The following DYNC2H1 variants were observed in gnomAD, a reference collection of about 807,000 sequenced individuals.
DYNC2H1 encodes dynein cytoplasmic 2 heavy chain 1.
A neutral mutation model predicts 570.0 loss-of-function variants in DYNC2H1; 410 were observed. The ratio of observed to expected loss-of-function variants is 0.72; its 90% CI spans 0.66 to 0.78. DYNC2H1 has a LOEUF of 0.78. DYNC2H1 is among the 30% of genes least tolerant of loss of function. The pLI, the probability that DYNC2H1 is intolerant of heterozygous loss-of-function variation, is 0.00. For synonymous variants in DYNC2H1, 1,688 were observed against 1,677.6 expected (o/e 1.01, Z -0.15); for missense variants, 4,865 against 5,046.4 (o/e 0.96, Z 1.09).
intron 50 of DYNC2H1, 37 bp downstream of exon 50, chr11:103,200,191 A>T: frequency 7.3e-7 from 1 of 1,377,734 alleles, no homozygotes; most frequent in Non-Finnish European, 9.9e-7. Context: ...AAATAAAAAT[A>T]ATGGCATAAA....
chr11:103,232,074 A>G (rs912375721), intron 60 of DYNC2H1, among the ~76,000 whole-genome samples: 3 of 152,030 alleles, frequency 2.0e-5, no homozygotes, highest in Non-Finnish European at 4.4e-5. Context: ...TTAGAGAAGT[A>G]TAAGAAAAAT....
chr11:103,307,673 C>A, intron 77 of DYNC2H1, 48 bp from the exon 78 acceptor site: 19 of 1,003,700 alleles, frequency 1.9e-5, no homozygotes, highest in South Asian at 1.1e-4. Flanking sequence ...AAAAGAGAAA[C>A]TTTCATATAT....
chr11:103,283,829 A>T (rs973732769), intron 73 of DYNC2H1, among the ~76,000 whole-genome samples: 5 of 152,024 alleles, frequency 3.3e-5, no homozygotes, highest in African/African-American at 1.2e-4. Context: ...ACATTGGTTG[A>T]GTAAAAGAAA....
chr11:103,335,065 C>T (rs1420469344), intron 82 of DYNC2H1, among the ~76,000 whole-genome samples: 2 of 151,930 alleles, frequency 1.3e-5, no homozygotes. Context: ...ATTAAAATAC[C>T]ATCTTTGGAA....
chr11:103,373,248 G>A (rs564160046), intron 83 of DYNC2H1, among the ~76,000 whole-genome samples: 118 of 151,770 alleles, frequency 7.8e-4, no homozygotes, highest in Non-Finnish European at 1.0e-3. Flanking sequence ...TTTTTTAATT[G>A]ATAATTTATC....
chr11:103,327,772 C>G (rs941405014), intron 82 of DYNC2H1, among the ~76,000 whole-genome samples: 1 of 152,130 alleles, frequency 6.6e-6, no homozygotes, highest in Non-Finnish European at 1.5e-5. Context: ...TTGACAAGAG[C>G]CAAGGATGTG....
In DYNC2H1 at chr11:103,382,656, T is replaced by C. The variant is rs920001773; in HGVS notation, c.12157-17007T>C. Among the ~76,000 whole-genome samples, 4 of 151,498 alleles carry C rather than the reference T, an allele frequency of 2.6e-5. No individual in the cohort carries two copies. In the South Asian group the frequency reaches 8.3e-4, roughly 31 times the overall value. On this transcript the variant is annotated intron_variant, in intron 83 of 88. Transcript: ENST00000375735. Reference sequence around the variant, plus strand: ...AGCATTTCTCAGTTGTGCTTAGAGCTTTCTTTTTGCTAACACTTCTGAAAC... The same window carrying C: ...AGCATTTCTCAGTTGTGCTTAGAGCCTTCTTTTTGCTAACACTTCTGAAAC...
chr11:103,471,833 C>T (rs1374715690), intron 88 of DYNC2H1, among the ~76,000 whole-genome samples: 3 of 152,022 alleles, frequency 2.0e-5, no homozygotes, highest in Non-Finnish European at 4.4e-5. Context: ...ATCATTAGTG[C>T]AATTAGAGAG....
At chr11:103,109,979 G>A (rs1858032458) in intron 1 of DYNC2H1, among the ~76,000 whole-genome samples, 1 of 152,192 alleles carries the variant, frequency 6.6e-6, no homozygotes. Flanking sequence ...CTACCTGACC[G>A]AAGCATGTTT....
intron 75 of DYNC2H1, among the ~76,000 whole-genome samples, chr11:103,292,569 A>G (rs895236794): frequency 4.6e-5 from 7 of 152,150 alleles, no homozygotes; most frequent in Admixed American, 1.3e-4. Flanking sequence ...AGCAAATCTC[A>G]TGTTGAATTG....
Position 103,275,291 on chromosome 11 carries a change from C to G in DYNC2H1, c.10696-5057C>G, listed in dbSNP as rs759828699. On this transcript the variant is annotated intron_variant, in intron 70 of 88. Coordinates refer to ENST00000375735, the MANE Select transcript of DYNC2H1 (RefSeq NM_001377.3). The surrounding 1 kb of genome is among the most constrained non-coding windows in gnomAD (Gnocchi z 4.8). ...CATACTGTACAGCCTCTTTCACTATCAAAATCCTGCACCAGAGTGGTACAC... is the reference window on the plus strand; with the variant it reads ...CATACTGTACAGCCTCTTTCACTATGAAAATCCTGCACCAGAGTGGTACAC... Among the ~76,000 whole-genome samples, 7 of 152,102 alleles carry G rather than the reference C, an allele frequency of 4.6e-5. No individual in the cohort carries two copies. In the South Asian group the frequency reaches 8.3e-4, roughly 18 times the overall value.
chr11:103,142,608 T>C (rs1034582160), intron 17 of DYNC2H1, among the ~76,000 whole-genome samples: 2 of 152,068 alleles, frequency 1.3e-5, no homozygotes, highest in African/African-American at 4.8e-5. Flanking sequence ...GATGGAGGTT[T>C]CAGTGAGCTT....
At chr11:103,286,513 C>T in intron 74 of DYNC2H1, 127 bp downstream of exon 74, 2 of 1,142,782 alleles carry the variant, frequency 1.8e-6, no homozygotes, top group Non-Finnish European at 2.4e-6. Context: ...TGGGGAAGGG[C>T]TTGATCCTTT....
At chr11:103,217,066 C>T (rs1410750508) in intron 55 of DYNC2H1, among the ~76,000 whole-genome samples, 1 of 152,106 alleles carries the variant, frequency 6.6e-6, no homozygotes, top group African/African-American at 2.4e-5. Context: ...TCCCCATCTC[C>T]CTCTTGGTAA....
Position 103,261,829 on chromosome 11 carries a change from A to G in DYNC2H1, c.10695+1852A>G, listed in dbSNP as rs1414008566. On this transcript the variant is annotated intron_variant, in intron 70 of 88. Transcript: ENST00000375735. The surrounding 1 kb of genome is among the most constrained non-coding windows in gnomAD (Gnocchi z 4.8). ...CACAACTCCTTGCCAGCAAGGGAAC[A>G]AAACTGGACGGAGAATGAGTTTGAT... 6.6e-6 allele frequency among the ~76,000 whole-genome samples: 1 copy of G among 152,224 alleles called. No individual in the cohort carries two copies. Among genetic ancestry groups the G allele is most frequent in the East Asian group, 1.9e-4 (1 of 5,194 alleles).
chr11:103,308,132 CT>C (rs1274862025), intron 78 of DYNC2H1, among the ~76,000 whole-genome samples: 1 of 152,094 alleles, frequency 6.6e-6, no homozygotes, highest in African/African-American at 2.4e-5. Context: ...ATCTGTAGAA[CT>C]TTTTTTATCT....
In DYNC2H1 at chr11:103,153,498, A is replaced by G. The variant is rs776378996; in HGVS notation, c.3292A>G (p.Lys1098Glu). 7.3e-5 allele frequency: 113 copies of G among 1,556,116 alleles called. No individual in the cohort carries two copies. Among genetic ancestry groups the G allele is most frequent in the Non-Finnish European group, 9.5e-5 (110 of 1,154,392 alleles). ...IEFDDLEVTR[K>E]KLVDDCHHFR... ...GTTTGATGATCTTGAAGTCACAAGA[A>G]AAAAGCTGGTGTATGTTTTTTCTTT... The change falls in exon 22 of 89, where the codon AAA becomes GAA. Residue 1098 changes from lysine (K) to glutamate (E), a missense_variant. Around this residue, in one of 5 missense-constraint regions of DYNC2H1, gnomAD observed 1,936 missense variants for 1,962.1 expected, o/e 0.99. Coordinates refer to ENST00000375735, the MANE Select transcript of DYNC2H1 (RefSeq NM_001377.3).
Position 103,170,760 on chromosome 11 carries a change from A to T in DYNC2H1, c.5152-126A>T. 1 of 941,990 alleles carries T rather than the reference A, an allele frequency of 1.1e-6. No homozygotes were observed. The highest frequency in any genetic ancestry group is 1.4e-6 in the Non-Finnish European group (1 of 703,154). The allele number at this position is 941,990 out of a possible 1,614,324, so 58.4% of individuals were successfully genotyped here. A position where few individuals can be genotyped will look rare whatever the true frequency, so the allele number is the denominator to read the frequency against. On this transcript the variant is annotated intron_variant, in intron 33 of 88. Coordinates refer to ENST00000375735, the MANE Select transcript of DYNC2H1 (RefSeq NM_001377.3). This position sits in a 1 kb window ranked among gnomAD's most constrained non-coding sequence, Gnocchi z 4.8. ...AGAGTAGCTACTTAATCCGTATTTT[A>T]AAATGAGCAAAAGAGGCATAGATGG... is the stretch of plus-strand genomic sequence containing the variant.
At chr11:103,386,132 C>T (rs774286255) in intron 83 of DYNC2H1, among the ~76,000 whole-genome samples, 6 of 152,098 alleles carry the variant, frequency 3.9e-5, no homozygotes, top group Non-Finnish European at 7.4e-5. Flanking sequence ...TAAGAATATG[C>T]TTTAATATGT....
Sources: allele counts gnomAD v4.1 joint callset (sites outside exome capture counted in the v4.1 genomes callset), GRCh38; gene constraint gnomAD v4.1.1; regional missense constraint gnomAD v4.1.1; non-coding constraint Gnocchi (gnomAD v3.1); transcripts MANE v1.5; gene names NCBI Gene and HGNC (gene_info 2026-07-23, HGNC 2026-07-21).